HHAT: variants seen among roughly 807,000 people sequenced by gnomAD.
The protein encoded by HHAT is hedgehog acyltransferase, also known as protein-cysteine N-palmitoyltransferase HHAT.
A neutral mutation model predicts 70.8 loss-of-function variants in HHAT; 47 were observed. The ratio of observed to expected loss-of-function variants is 0.66; its 90% CI spans 0.53 to 0.85. HHAT has a LOEUF of 0.85. HHAT is among the 40% of genes least tolerant of loss of function. The pLI, the probability that HHAT is intolerant of heterozygous loss-of-function variation, is 0.00. For synonymous variants in HHAT, 228 were observed against 247.6 expected (o/e 0.92, Z 0.74); for missense variants, 609 against 604.8 (o/e 1.01, Z -0.07).
At chr1:210,515,851 T>C (rs2095047280) in intron 9 of HHAT, among the ~76,000 whole-genome samples, 1 of 151,790 alleles carries the variant, frequency 6.6e-6, no homozygotes. Flanking sequence ...GCAGATCACT[T>C]GAAGCCAGGA....
At chr1:210,473,280 T>A (rs956649274) in intron 8 of HHAT, among the ~76,000 whole-genome samples, 3 of 152,318 alleles carry the variant, frequency 2.0e-5, no homozygotes, top group Non-Finnish European at 4.4e-5. Flanking sequence ...CTGTTTTGTC[T>A]TAAGATCTCT....
chr1:210,479,249 A>C (rs2094354098), intron 8 of HHAT, among the ~76,000 whole-genome samples: 1 of 152,194 alleles, frequency 6.6e-6, no homozygotes, highest in Admixed American at 6.5e-5. Context: ...ATTGTACCTG[A>C]AAGTCCAAAT....
chr1:210,420,642 C>T (rs539264816), intron 7 of HHAT, among the ~76,000 whole-genome samples: 2 of 150,576 alleles, frequency 1.3e-5, no homozygotes, highest in Admixed American at 6.6e-5. Flanking sequence ...TACCCTAAAA[C>T]TTAAAGTATA....
chr1:210,597,503 G>A (rs1663270275), intron 10 of HHAT, among the ~76,000 whole-genome samples: 2 of 152,014 alleles, frequency 1.3e-5, no homozygotes, highest in African/African-American at 4.8e-5. Context: ...AATCTACTTG[G>A]TACATTATTC....
chr1:210,376,014 A>ATTTTTTTTT (rs57707354), intron 3 of HHAT, among the ~76,000 whole-genome samples: 22 of 108,884 alleles, frequency 2.0e-4, no homozygotes, highest in South Asian at 3.1e-4. Flanking sequence ...TGCACAGCTA[A>ATTTTTTTTT]TTTTTTTTTT....
chr1:210,560,814 T>TAAAAAAAAAAAAAAAAAAAAAA (rs60192211), intron 9 of HHAT, among the ~76,000 whole-genome samples: 1 of 28,470 alleles, frequency 3.5e-5, no homozygotes, highest in Non-Finnish European at 9.5e-5. Flanking sequence ...CCCTGTGTCT[T>TAAAAAAAAAAAAAAAAAAAAAA]AAAAAAAAAA....
intron 11 of HHAT, among the ~76,000 whole-genome samples, chr1:210,644,109 G>A (rs1396662304): frequency 6.6e-6 from 1 of 152,072 alleles, no homozygotes; most frequent in African/African-American, 2.4e-5. Flanking sequence ...GAGAGACTCT[G>A]GCCTAACCCT....
At chr1:210,343,788 A>G (rs1214538275) in intron 1 of HHAT, among the ~76,000 whole-genome samples, 8 of 152,212 alleles carry the variant, frequency 5.3e-5, no homozygotes, top group African/African-American at 1.9e-4. Context: ...AAAGAGGTCC[A>G]GATGCACGTA....
At chr1:210,390,619 T>G (rs1361926782) in intron 4 of HHAT, among the ~76,000 whole-genome samples, 2 of 152,196 alleles carry the variant, frequency 1.3e-5, no homozygotes, top group Non-Finnish European at 2.9e-5. Flanking sequence ...CAATGTATAC[T>G]GTAGCCAATA....
intron 7 of HHAT, among the ~76,000 whole-genome samples, chr1:210,432,273 G>A (rs1031294773): frequency 6.6e-6 from 1 of 151,838 alleles, no homozygotes; most frequent in African/African-American, 2.4e-5. Flanking sequence ...GGAGGGCCAA[G>A]TATAGAACTT....
chr1:210,569,842 GT>G (rs200826554), intron 9 of HHAT, among the ~76,000 whole-genome samples: 2 of 151,096 alleles, frequency 1.3e-5, no homozygotes, highest in Non-Finnish European at 3.0e-5. Context: ...GCTTCAATTT[GT>G]TTTTTTTTAA....
At chr1:210,625,569 A>G (rs888443489) in intron 11 of HHAT, among the ~76,000 whole-genome samples, 2 of 152,360 alleles carry the variant, frequency 1.3e-5, no homozygotes, top group South Asian at 2.1e-4. Context: ...CTGACTTTCC[A>G]CAGAAGATGG....
chr1:210,426,284 A>G (rs1312842201), intron 7 of HHAT, among the ~76,000 whole-genome samples: 2 of 152,088 alleles, frequency 1.3e-5, no homozygotes, highest in African/African-American at 2.4e-5. Context: ...AATGTTACCT[A>G]TAAACGGGTA....
At chr1:210,583,541 T>A (rs1390172405) in intron 9 of HHAT, among the ~76,000 whole-genome samples, 1 of 152,180 alleles carries the variant, frequency 6.6e-6, no homozygotes, top group African/African-American at 2.4e-5. Context: ...CAGAAGATGG[T>A]AGAATTTGTA....
chr1:210,409,170 T>C (rs78321246), intron 6 of HHAT, among the ~76,000 whole-genome samples: 3,125 of 152,306 alleles, frequency 0.021, 108 homozygotes, highest in African/African-American at 0.072. Flanking sequence ...CTGGCCATTC[T>C]AGCTTGTTTA....
At chr1:210,560,029 C>G (rs916127950) in intron 9 of HHAT, among the ~76,000 whole-genome samples, 6 of 152,106 alleles carry the variant, frequency 3.9e-5, no homozygotes, top group African/African-American at 9.7e-5. Flanking sequence ...GTGTGTCTTT[C>G]TCCTGAGTTG....
chr1:210,371,476 A>G (rs976390568), intron 3 of HHAT, among the ~76,000 whole-genome samples: 1 of 152,088 alleles, frequency 6.6e-6, no homozygotes, highest in East Asian at 1.9e-4. Context: ...TGCCCCTGAC[A>G]TTTTGGAGAC....
At chr1:210,583,623 A>T (rs1382855659) in intron 9 of HHAT, among the ~76,000 whole-genome samples, 2 of 152,158 alleles carry the variant, frequency 1.3e-5, no homozygotes, top group Non-Finnish European at 2.9e-5. Flanking sequence ...TAAAGAAGGG[A>T]TTTTTATCTT....
At chr1:210,616,327 A>G (rs568801808) in intron 10 of HHAT, among the ~76,000 whole-genome samples, 11 of 150,746 alleles carry the variant, frequency 7.3e-5, no homozygotes, top group Non-Finnish European at 1.5e-4. Context: ...TTGACCAGCC[A>G]ACATCTCTCC....
Sources: allele counts gnomAD v4.1 joint callset (sites outside exome capture counted in the v4.1 genomes callset), GRCh38; gene constraint gnomAD v4.1.1; transcripts MANE v1.5; gene names NCBI Gene and HGNC (gene_info 2026-07-23, HGNC 2026-07-21).